The following ADGRL3 variants were observed in gnomAD, a reference collection of about 807,000 sequenced individuals.
ADGRL3 encodes calcium-independent alpha-latrotoxin receptor 3.
A neutral mutation model predicts 153.5 loss-of-function variants in ADGRL3; 62 were observed. That is an observed-to-expected ratio of 0.40 (90% CI 0.33 to 0.50). ADGRL3 has a LOEUF of 0.50. Among genes scored for constraint, ADGRL3 ranks in the 20% least tolerant of loss-of-function variants. ADGRL3 has a pLI of 0.47. For missense variants in ADGRL3, 1,641 were observed against 1,859.4 expected (o/e 0.88, Z 2.16); for synonymous variants, 710 against 672.5 (o/e 1.06, Z -0.86).
intron 8 of ADGRL3, among the ~76,000 whole-genome samples, chr4:61,741,885 A>G (rs2096584482): frequency 1.3e-5 from 2 of 152,254 alleles, no homozygotes; most frequent in Non-Finnish European, 2.9e-5. Flanking sequence ...TGATAAATGT[A>G]TAATTGTTAG....
intron 2 of ADGRL3, among the ~76,000 whole-genome samples, chr4:61,436,009 T>C (rs1035480805): frequency 6.6e-6 from 1 of 152,130 alleles, no homozygotes; most frequent in Non-Finnish European, 1.5e-5. Context: ...TATTTCCAAG[T>C]ATAATGGGAA....
At chr4:61,289,727 T>C (rs2094098068) in intron 1 of ADGRL3, among the ~76,000 whole-genome samples, 1 of 152,014 alleles carries the variant, frequency 6.6e-6, no homozygotes, top group Non-Finnish European at 1.5e-5. Context: ...TGGGCAAATT[T>C]AAATAAATAC....
chr4:61,402,509 A>G (rs1483901679), intron 2 of ADGRL3, among the ~76,000 whole-genome samples: 1 of 152,102 alleles, frequency 6.6e-6, no homozygotes, highest in African/African-American at 2.4e-5. Context: ...ATCAACTTAA[A>G]AATGTTAATA....
chr4:61,735,852 TCA>T (rs1399301088), intron 8 of ADGRL3, among the ~76,000 whole-genome samples: 1 of 152,142 alleles, frequency 6.6e-6, no homozygotes, highest in Admixed American at 6.6e-5. Flanking sequence ...AGTTCTTAAC[TCA>T]GTTTTATTAA....
At chr4:61,638,635 A>T (rs1384439580) in intron 5 of ADGRL3, among the ~76,000 whole-genome samples, 1 of 152,192 alleles carries the variant, frequency 6.6e-6, no homozygotes, top group Non-Finnish European at 1.5e-5. Flanking sequence ...AATATTTAGC[A>T]GTAATGTTTA....
intron 25 of ADGRL3, among the ~76,000 whole-genome samples, chr4:62,059,910 T>A (rs1739133831): frequency 6.6e-6 from 1 of 152,112 alleles, no homozygotes; most frequent in South Asian, 2.1e-4. Flanking sequence ...TAAAATACAT[T>A]AAAAATTAGA....
chr4:61,852,277 A>T (rs529036413), intron 9 of ADGRL3, among the ~76,000 whole-genome samples: 1 of 142,870 alleles, frequency 7.0e-6, no homozygotes. Context: ...TTAACTACTT[A>T]TTTTATTTTA....
At chr4:61,622,286 G>T (rs966772439) in intron 5 of ADGRL3, among the ~76,000 whole-genome samples, 3 of 151,862 alleles carry the variant, frequency 2.0e-5, no homozygotes, top group African/African-American at 7.3e-5. Flanking sequence ...TAAAAAAAGA[G>T]AATGCTAATT....
At chr4:61,729,286 C>T (rs1426345803) in intron 6 of ADGRL3, among the ~76,000 whole-genome samples, 2 of 152,004 alleles carry the variant, frequency 1.3e-5, no homozygotes, top group Non-Finnish European at 2.9e-5. Context: ...TTATTTGCAA[C>T]TTTCTAAGCA....
intron 23 of ADGRL3, among the ~76,000 whole-genome samples, chr4:62,034,462 T>G (rs191002018): frequency 1.3e-3 from 191 of 151,984 alleles, no homozygotes; most frequent in Non-Finnish European, 2.0e-3. Context: ...TGGTCACATT[T>G]GTATTTGGTG....
chr4:61,985,961 A>G (rs1051776704), intron 19 of ADGRL3, among the ~76,000 whole-genome samples: 164 of 149,240 alleles, frequency 1.1e-3, no homozygotes, highest in African/African-American at 3.8e-3. Flanking sequence ...AAGATGTCTT[A>G]GGGGAGGGGT....
chr4:61,297,506 A>C (rs2150280377), intron 1 of ADGRL3, among the ~76,000 whole-genome samples: 1 of 152,278 alleles, frequency 6.6e-6, no homozygotes, highest in Non-Finnish European at 1.5e-5. Context: ...CATTATTTTT[A>C]GTTTTTGCCT....
chr4:61,377,171 C>T (rs901596392), intron 1 of ADGRL3, among the ~76,000 whole-genome samples: 1 of 151,944 alleles, frequency 6.6e-6, no homozygotes, highest in Non-Finnish European at 1.5e-5. Context: ...GGGAATGGTA[C>T]GGAATGGTAT....
chr4:61,731,656 G>C (rs1212740896), intron 7 of ADGRL3, among the ~76,000 whole-genome samples: 1 of 152,048 alleles, frequency 6.6e-6, no homozygotes, highest in Non-Finnish European at 1.5e-5. Context: ...GGAGATTCAC[G>C]AATGTACTTA....
At chr4:61,204,720 A>G (rs1267886928) in intron 1 of ADGRL3, among the ~76,000 whole-genome samples, 1 of 152,238 alleles carries the variant, frequency 6.6e-6, no homozygotes, top group Non-Finnish European at 1.5e-5. Flanking sequence ...GGAATGATTA[A>G]CTCAAAGTTT....
chr4:61,215,946 T>C (rs1378262514), intron 1 of ADGRL3, among the ~76,000 whole-genome samples: 1 of 152,090 alleles, frequency 6.6e-6, no homozygotes. Flanking sequence ...GTCATGTAAC[T>C]TCTGTAGGTC....
At chr4:61,879,411 A>T (rs1031625557) in intron 9 of ADGRL3, among the ~76,000 whole-genome samples, 7 of 152,282 alleles carry the variant, frequency 4.6e-5, no homozygotes, top group Admixed American at 4.6e-4. Context: ...TGGTGATAGG[A>T]TCCAAGTCTA....
At chr4:61,771,822 CAG>C (rs2097090783) in intron 8 of ADGRL3, among the ~76,000 whole-genome samples, 1 of 152,126 alleles carries the variant, frequency 6.6e-6, no homozygotes, top group South Asian at 2.1e-4. Flanking sequence ...GAGACTTCCC[CAG>C]AGAGGGTGCA....
At chr4:61,856,419 A>ATTCC (rs139069716) in intron 9 of ADGRL3, among the ~76,000 whole-genome samples, 1,540 of 119,820 alleles carry the variant, frequency 0.013, 17 homozygotes, top group Middle Eastern at 0.075. Flanking sequence ...GTGTCTGAGA[A>ATTCC]TTCCTTCCTT....
Sources: allele counts gnomAD v4.1 joint callset (sites outside exome capture counted in the v4.1 genomes callset), GRCh38; gene constraint gnomAD v4.1.1; transcripts MANE v1.5; gene names NCBI Gene and HGNC (gene_info 2026-07-23, HGNC 2026-07-21).